The following IL13RA1 variants were observed in gnomAD, a reference collection of about 807,000 sequenced individuals.
IL13RA1 encodes interleukin-13 receptor subunit alpha-1.
In IL13RA1, 14 loss-of-function variants were observed where a neutral mutation model predicts 33.8. The ratio of observed to expected loss-of-function variants is 0.41; its 90% CI spans 0.27 to 0.65. The LOEUF (loss-of-function observed/expected upper bound fraction) is 0.65, where lower values mean the gene tolerates loss of function less well. Among genes scored for constraint, IL13RA1 ranks in the 30% least tolerant of loss-of-function variants. The pLI, the probability that IL13RA1 is intolerant of heterozygous loss-of-function variation, is 0.28. For synonymous variants in IL13RA1, 116 were observed against 115.7 expected, an observed-to-expected ratio of 1.00 and a Z score of -0.02; for missense variants, 313 against 327.0, an observed-to-expected ratio of 0.96 and a Z score of 0.33.
chrX:118,785,514 C>T (rs2017906535), intron 10 of IL13RA1, among the ~76,000 whole-genome samples: 1 of 111,513 alleles, frequency 9.0e-6, no homozygotes, highest in South Asian at 3.7e-4. Context: ...TGTTTATTTG[C>T]CCTGTGTTTC....
chrX:118,733,626 G>GA (rs1400834611), intron 1 of IL13RA1, among the ~76,000 whole-genome samples: 5 of 111,403 alleles, frequency 4.5e-5, no homozygotes. Flanking sequence ...TTTTTTCCAT[G>GA]AAATCCAATT....
intron 8 of IL13RA1, among the ~76,000 whole-genome samples, chrX:118,772,730 C>T (rs1481909011): frequency 8.9e-6 from 1 of 112,151 alleles, no homozygotes; most frequent in Non-Finnish European, 1.9e-5. Flanking sequence ...TTCGTTTATA[C>T]TCCTTCCTTT....
Position 118,774,115 on chromosome X carries a change from A to G in IL13RA1, c.1106+140A>G, listed in dbSNP as rs944677734. On this transcript the variant is annotated intron_variant, in intron 9 of 10. Transcript: ENST00000371666. ...AAGTGGCTTTCGGGAGTATGACATG[A>G]CAAGGAAGTATTACCACGCCCACTT... The G allele has an allele frequency of 2.3e-5, 9 of 396,569 alleles. No homozygotes were observed. The East Asian group carries it at 3.9e-4, about 17-fold the overall frequency. The allele number at this position is 396,569 out of a possible 1,213,427, so 32.7% of individuals were successfully genotyped here.
At chrX:118,749,004 C>A (rs752951825) in intron 3 of IL13RA1, among the ~76,000 whole-genome samples, 2 of 111,569 alleles carry the variant, frequency 1.8e-5, no homozygotes, top group African/African-American at 6.5e-5. Context: ...CAACCTCCAC[C>A]CCCCTGGTTT....
chrX:118,739,705 A>G (rs1232430369), intron 1 of IL13RA1, among the ~76,000 whole-genome samples: 1 of 111,182 alleles, frequency 9.0e-6, no homozygotes, highest in Non-Finnish European at 1.9e-5. Flanking sequence ...GAAAGTTTAA[A>G]ATGATGTTTC....
intron 10 of IL13RA1, among the ~76,000 whole-genome samples, chrX:118,786,190 A>T (rs1196242182): frequency 9.1e-6 from 1 of 110,338 alleles, no homozygotes; most frequent in Non-Finnish European, 1.9e-5. Flanking sequence ...GGAGTTCAAG[A>T]CCAGCTTGGC....
At chrX:118,755,054 T>C (rs1391130060) in intron 4 of IL13RA1, among the ~76,000 whole-genome samples, 1 of 106,414 alleles carries the variant, frequency 9.4e-6, no homozygotes, top group Non-Finnish European at 1.9e-5. Context: ...GTTCCAGTGA[T>C]TCTCCAGCCT....
intron 7 of IL13RA1, 90 bp downstream of exon 7, chrX:118,766,667 C>A: frequency 1.6e-6 from 1 of 625,560 alleles, no homozygotes; most frequent in Non-Finnish European, 2.6e-6. Context: ...TTGAGAAAAA[C>A]AAATTACGTT....
intron 10 of IL13RA1, among the ~76,000 whole-genome samples, chrX:118,782,624 G>A (rs992337537): frequency 3.7e-5 from 4 of 108,235 alleles, no homozygotes; most frequent in African/African-American, 6.8e-5. Context: ...TTGAGACAGC[G>A]TCTCACTGTG....
chrX:118,787,876 C>T (rs1283984370), intron 10 of IL13RA1, among the ~76,000 whole-genome samples: 1 of 111,888 alleles, frequency 8.9e-6, no homozygotes, highest in East Asian at 2.8e-4. Flanking sequence ...GCCCAGATTT[C>T]ATATTGTTCA....
At chrX:118,747,383 A>G (rs893730934) in intron 3 of IL13RA1, among the ~76,000 whole-genome samples, 1 of 109,746 alleles carries the variant, frequency 9.1e-6, no homozygotes, top group African/African-American at 3.3e-5. Flanking sequence ...ACACACACAC[A>G]CGCACACCCC....
intron 4 of IL13RA1, among the ~76,000 whole-genome samples, chrX:118,751,522 G>C (rs1274410975): frequency 9.0e-6 from 1 of 111,341 alleles, no homozygotes; most frequent in Admixed American, 9.6e-5. Flanking sequence ...TGGTGGTCGA[G>C]GGGAGGTGGA....
At chrX:118,743,006 A>C (rs1468996955) in intron 2 of IL13RA1, among the ~76,000 whole-genome samples, 2 of 111,989 alleles carry the variant, frequency 1.8e-5, no homozygotes, top group Non-Finnish European at 3.8e-5. Flanking sequence ...AAGAAACCAG[A>C]TAGAGACCAA....
chrX:118,756,946 T>C (rs1010360611), intron 4 of IL13RA1, among the ~76,000 whole-genome samples: 2 of 110,463 alleles, frequency 1.8e-5, no homozygotes, highest in African/African-American at 6.6e-5. Context: ...AGTTGAAGGA[T>C]GAGGGAGTGA....
intron 7 of IL13RA1, 117 bp downstream of exon 7, chrX:118,766,694 A>G (rs768234079): frequency 1.0e-5 from 6 of 594,597 alleles, no homozygotes; most frequent in South Asian, 3.2e-5. Context: ...TGAGTTATTG[A>G]CAATTTTTTC....
In IL13RA1 at chrX:118,787,897, C is replaced by G. The variant is rs763174782; in HGVS notation, c.1192-3865C>G. The stretch of plus-strand genomic sequence containing the variant: ...ATTTCATATTGTTCAAACACACATG[C>G]TTTATGAACAATTTGTGCAGTTAAT... On this transcript the variant is annotated intron_variant, in intron 10 of 10. Coordinates refer to ENST00000371666, the MANE Select transcript of IL13RA1 (RefSeq NM_001560.3). Among the ~76,000 whole-genome samples, 364 of 111,755 alleles carry G rather than the reference C, an allele frequency of 3.3e-3. 3 individuals carry two copies. The highest frequency in any genetic ancestry group is 5.5e-3 in the Non-Finnish European group (291 of 53,179).
chrX:118,765,957 T>A (rs1011215144), intron 6 of IL13RA1, among the ~76,000 whole-genome samples: 14 of 112,424 alleles, frequency 1.2e-4, no homozygotes, highest in Admixed American at 4.7e-4. Flanking sequence ...CCAGTTTTTT[T>A]AAAATTGGGT....
In IL13RA1 at chrX:118,749,708, A is replaced by C; in HGVS notation, c.418A>C (p.Ser140Arg). The change falls in exon 4 of 11, where the codon AGC becomes CGC. Residue 140 changes from serine (S) to arginine (R), a missense_variant. Coordinates refer to ENST00000371666, the MANE Select transcript of IL13RA1 (RefSeq NM_001560.3). ...GCTTCAATGCATTTGGCACAACCTG[A>C]GCTACATGAAGTGTTCTTGGCTCCC... The part of the protein sequence containing the change: ...TELQCIWHNL[S>R]YMKCSWLPGR... 8.4e-7 allele frequency: 1 copy of C among 1,183,940 alleles called. No individual in the cohort carries two copies. Among genetic ancestry groups the C allele is most frequent in the Non-Finnish European group, 1.1e-6 (1 of 870,113 alleles).
chrX:118,768,399 A>G (rs1470264106), intron 8 of IL13RA1, among the ~76,000 whole-genome samples: 1 of 111,902 alleles, frequency 8.9e-6, no homozygotes, highest in Non-Finnish European at 1.9e-5. Flanking sequence ...GAGAACTGAA[A>G]TATGTCTGAA....
Sources: allele counts gnomAD v4.1 joint callset (sites outside exome capture counted in the v4.1 genomes callset), GRCh38; gene constraint gnomAD v4.1.1; transcripts MANE v1.5; gene names NCBI Gene and HGNC (gene_info 2026-07-23, HGNC 2026-07-21).